GPC6: variants seen among roughly 807,000 people sequenced by gnomAD.
GPC6 encodes glypican-6.
GPC6 carries 14 observed loss-of-function variants against 55.2 expected under a neutral mutation model. That is an observed-to-expected ratio of 0.25 (90% CI 0.17 to 0.40). The LOEUF is 0.40. Among genes scored for constraint, GPC6 ranks in the 10% least tolerant of loss-of-function variants. The pLI is 1.00. For missense variants in GPC6, 641 were observed against 708.5 expected (o/e 0.90, Z 1.08); for synonymous variants, 278 against 259.6 (o/e 1.07, Z -0.68).
intron 1 of GPC6, among the ~76,000 whole-genome samples, chr13:93,315,825 A>G (rs1023893529): frequency 6.6e-6 from 1 of 151,862 alleles, no homozygotes; most frequent in Non-Finnish European, 1.5e-5. Flanking sequence ...TCACTGCCCC[A>G]TCCCTTTATC....
chr13:93,418,442 TTAA>T (rs1326556035), intron 1 of GPC6, among the ~76,000 whole-genome samples: 3 of 151,408 alleles, frequency 2.0e-5, no homozygotes, highest in Non-Finnish European at 4.4e-5. Flanking sequence ...TATTACTTTA[TTAA>T]TAGCACTATA....
chr13:94,132,094 A>T (rs1887023006), intron 4 of GPC6, among the ~76,000 whole-genome samples: 1 of 152,052 alleles, frequency 6.6e-6, no homozygotes, highest in Non-Finnish European at 1.5e-5. Context: ...TGGTGGAGAA[A>T]GGTGATTCCA....
intron 2 of GPC6, among the ~76,000 whole-genome samples, chr13:93,711,950 C>T (rs962726410): frequency 1.3e-5 from 2 of 151,640 alleles, no homozygotes; most frequent in African/African-American, 2.4e-5. Flanking sequence ...CCGAGTTGCC[C>T]GCTGTGTAGA....
chr13:94,278,302 G>T (rs983948267), intron 4 of GPC6, among the ~76,000 whole-genome samples: 1 of 152,312 alleles, frequency 6.6e-6, no homozygotes, highest in East Asian at 1.9e-4. Context: ...CTGAGACTTT[G>T]CTCAAGTTGC....
At chr13:94,078,908 T>G (rs1437438076) in intron 4 of GPC6, among the ~76,000 whole-genome samples, 1 of 151,896 alleles carries the variant, frequency 6.6e-6, no homozygotes, top group Non-Finnish European at 1.5e-5. Flanking sequence ...AGCCCAGCAT[T>G]ACCCTGATAC....
intron 2 of GPC6, among the ~76,000 whole-genome samples, chr13:93,761,988 A>G (rs1214543536): frequency 6.6e-6 from 1 of 152,166 alleles, no homozygotes; most frequent in Admixed American, 6.5e-5. Flanking sequence ...AAAACTTCGT[A>G]CATTTTCACC....
intron 4 of GPC6, among the ~76,000 whole-genome samples, chr13:94,145,343 G>T (rs1284242219): frequency 6.6e-6 from 1 of 151,882 alleles, no homozygotes; most frequent in African/African-American, 2.4e-5. Context: ...ATCAATTTAG[G>T]GTCAAATTAT....
At chr13:93,470,074 GC>G (rs1301172938) in intron 1 of GPC6, among the ~76,000 whole-genome samples, 6 of 151,920 alleles carry the variant, frequency 3.9e-5, no homozygotes, top group Non-Finnish European at 2.9e-5. Flanking sequence ...GTGTTCCTTT[GC>G]CATTTTTTTG....
At chr13:93,248,322 C>T (rs982172516) in intron 1 of GPC6, among the ~76,000 whole-genome samples, 1 of 150,622 alleles carries the variant, frequency 6.6e-6, no homozygotes, top group Admixed American at 6.6e-5. Context: ...TTAAAAAGCA[C>T]AGTCTTGACA....
intron 2 of GPC6, among the ~76,000 whole-genome samples, chr13:93,626,775 C>T (rs930290344): frequency 5.4e-5 from 8 of 149,060 alleles, no homozygotes; most frequent in African/African-American, 2.0e-4. Context: ...GCACTCCAGC[C>T]TGGGTGACAG....
At chr13:93,784,820 ATG>A (rs1034110258) in intron 2 of GPC6, among the ~76,000 whole-genome samples, 1 of 152,186 alleles carries the variant, frequency 6.6e-6, no homozygotes, top group Non-Finnish European at 1.5e-5. Context: ...GCCTCAACAC[ATG>A]TACAAATAAC....
At chr13:93,654,976 A>G (rs1880590855) in intron 2 of GPC6, among the ~76,000 whole-genome samples, 2 of 149,094 alleles carry the variant, frequency 1.3e-5, no homozygotes, top group South Asian at 4.2e-4. Flanking sequence ...AGCTGGGACT[A>G]CAGGCGCCCA....
intron 2 of GPC6, among the ~76,000 whole-genome samples, chr13:93,775,264 C>T (rs548789617): frequency 3.9e-5 from 6 of 152,244 alleles, no homozygotes; most frequent in East Asian, 1.9e-4. Context: ...CTCAGCCTCC[C>T]GAGTAGCTGG....
At chr13:94,170,536 T>C (rs1214011097) in intron 4 of GPC6, among the ~76,000 whole-genome samples, 1 of 152,166 alleles carries the variant, frequency 6.6e-6, no homozygotes, top group Admixed American at 6.5e-5. Flanking sequence ...TAAATCTGTT[T>C]GGAAAGTTAG....
chr13:93,245,998 T>C (rs928364196), intron 1 of GPC6, among the ~76,000 whole-genome samples: 2 of 152,210 alleles, frequency 1.3e-5, no homozygotes, highest in Non-Finnish European at 2.9e-5. Flanking sequence ...CCTATTTTTC[T>C]TACTAATATG....
chr13:93,829,109 A>G (rs1239236771), intron 2 of GPC6, among the ~76,000 whole-genome samples: 1 of 152,222 alleles, frequency 6.6e-6, no homozygotes, highest in African/African-American at 2.4e-5. Flanking sequence ...AACGGGGACT[A>G]TGAAGAGGTA....
At chr13:94,237,935 G>T (rs1244191032) in intron 4 of GPC6, among the ~76,000 whole-genome samples, 2 of 152,148 alleles carry the variant, frequency 1.3e-5, no homozygotes, top group African/African-American at 4.8e-5. Context: ...TTCCAGGCAA[G>T]AGATTATGCT....
At chr13:93,490,270 A>G (rs1879915599) in intron 1 of GPC6, among the ~76,000 whole-genome samples, 1 of 151,422 alleles carries the variant, frequency 6.6e-6, no homozygotes, top group South Asian at 2.1e-4. Flanking sequence ...TTAAAATTAA[A>G]TTGTTTTGAA....
intron 2 of GPC6, among the ~76,000 whole-genome samples, chr13:93,746,427 C>T (rs7987573): frequency 0.21 from 32,019 of 152,054 alleles, 3,945 homozygotes; most frequent in Non-Finnish European, 0.27. Flanking sequence ...ACATGTAAGG[C>T]TGCTTTTCGG....
Sources: allele counts gnomAD v4.1 joint callset (sites outside exome capture counted in the v4.1 genomes callset), GRCh38; gene constraint gnomAD v4.1.1; transcripts MANE v1.5; gene names NCBI Gene and HGNC (gene_info 2026-07-23, HGNC 2026-07-21).